The following SLC9A3 variants were observed in gnomAD, a reference collection of about 807,000 sequenced individuals.
SLC9A3 encodes solute carrier family 9 member A3, also known as sodium/hydrogen exchanger 3.
Under a neutral mutation model 86.8 loss-of-function variants are expected in SLC9A3, and 37 were observed. The observed-to-expected ratio is 0.43, with a 90% CI of 0.33 to 0.56. The LOEUF (loss-of-function observed/expected upper bound fraction) is 0.56. SLC9A3 is among the 20% of genes least tolerant of loss of function. The pLI is 0.06. For missense variants in SLC9A3, 1,011 were observed against 1,171.9 expected (o/e 0.86, Z 2.00); for synonymous variants, 581 against 528.3 (o/e 1.10, Z -1.37).
At chr5:475,344 A>G (rs1419132223) in intron 15 of SLC9A3, 1 of 624,684 alleles carries the variant, frequency 1.6e-6, no homozygotes, top group Non-Finnish European at 2.8e-6. Context: ...CCCTCAAGAC[A>G]TACCCCACCT....
At chr5:508,755 G>C (rs1033571700) in intron 1 of SLC9A3, among the ~76,000 whole-genome samples, 17 of 152,286 alleles carry the variant, frequency 1.1e-4, no homozygotes, top group African/African-American at 3.8e-4. Context: ...AAGACCTCCC[G>C]GGAGTCACAC....
intron 1 of SLC9A3, among the ~76,000 whole-genome samples, chr5:517,863 A>G (rs1309347397): frequency 6.7e-6 from 1 of 149,126 alleles, no homozygotes; most frequent in African/African-American, 2.5e-5. Context: ...CTGACCATTC[A>G]CTCATCCATC....
intron 2 of SLC9A3, among the ~76,000 whole-genome samples, chr5:489,853 G>A (rs913308524): frequency 8.5e-5 from 13 of 152,214 alleles, no homozygotes; most frequent in Non-Finnish European, 1.5e-4. Context: ...GCCCACGGCC[G>A]TGCCAGGAGG....
At chr5:504,832 G>A (rs1740472821) in intron 1 of SLC9A3, among the ~76,000 whole-genome samples, 1 of 152,074 alleles carries the variant, frequency 6.6e-6, no homozygotes, top group African/African-American at 2.4e-5. Context: ...GGGAGGGCAG[G>A]GGTGCGGCTG....
Position 473,235 on chromosome 5 carries a change from G to GCGGCA in SLC9A3, c.*143_*144insTGCCG. 1.1e-6 allele frequency: 1 copy of GCGGCA among 924,720 alleles called. No homozygotes were observed. Among genetic ancestry groups the GCGGCA allele is most frequent in the Non-Finnish European group, 1.4e-6 (1 of 707,064 alleles). 57.3% of individuals were successfully genotyped at this position (924,720 alleles called of 1,614,324 possible). A position where few individuals can be genotyped will look rare whatever the true frequency, so the allele number is the denominator to read the frequency against. The stretch of plus-strand genomic sequence containing the variant: ...GGCACTCTCGGAGTTCTGCGCAGGC[G>GCGGCA]CTGGCGTGGGCGAGGCGGGGCTCGG... On this transcript the variant is annotated 3_prime_UTR_variant, in exon 17 of 17. Transcript: ENST00000264938.
rs997199330 is a variant in SLC9A3, at chr5:471,222, G to C, written c.*2157C>G. 2 of 160,932 alleles carry C rather than the reference G, an allele frequency of 1.2e-5. No homozygotes were observed. Among genetic ancestry groups the C allele is most frequent in the African/African-American group, 4.8e-5 (2 of 41,552 alleles). The allele number at this position is 160,932 out of a possible 1,614,324, so 10.0% of individuals were successfully genotyped here. ...ATGTGGAGATCAGGCGGCGATTACCGCATCTTCTTTGCTGACTTTGGTAAC... is the reference window on the plus strand; with the variant it reads ...ATGTGGAGATCAGGCGGCGATTACCCCATCTTCTTTGCTGACTTTGGTAAC... On this transcript the variant is annotated 3_prime_UTR_variant, in exon 17 of 17. Coordinates refer to ENST00000264938, the MANE Select transcript of SLC9A3 (RefSeq NM_004174.4).
At position 499,789 on chromosome 5, in the gene SLC9A3, A is replaced by G. The variant is rs141595403; in HGVS notation, c.212-7718T>C. On this transcript the variant is annotated intron_variant, in intron 1 of 16. Coordinates refer to ENST00000264938, the MANE Select transcript of SLC9A3 (RefSeq NM_004174.4). ...CCAAGGTGGCTCCTAGAGACCTTGC[A>G]TCTGCGCATAACGTCTCCGTAGATC... Among the ~76,000 whole-genome samples, 441 of 152,316 alleles carry G rather than the reference A, an allele frequency of 2.9e-3. 1 individual carries two copies. The highest frequency in any genetic ancestry group is 0.01 in the African/African-American group (421 of 41,578).
At chr5:485,097 C>T (rs373659443) in intron 4 of SLC9A3, 56 bp downstream of exon 4, 2 of 1,279,960 alleles carry the variant, frequency 1.6e-6, no homozygotes, top group East Asian at 2.3e-5. Flanking sequence ...CCAGAGAAGA[C>T]AGTTGGCCCC....
intron 3 of SLC9A3, among the ~76,000 whole-genome samples, chr5:486,965 G>A (rs1268004093): frequency 2.4e-4 from 10 of 42,462 alleles, no homozygotes; most frequent in Non-Finnish European, 7.6e-4. Context: ...CACTGACACC[G>A]TGATCCAGAC....
intron 1 of SLC9A3, among the ~76,000 whole-genome samples, chr5:504,644 C>T (rs1309740734): frequency 6.6e-6 from 1 of 152,230 alleles, no homozygotes; most frequent in African/African-American, 2.4e-5. Context: ...GCAGACAAAC[C>T]CTCAGCTGCT....
Position 482,690 on chromosome 5 carries a change from T to C in SLC9A3, c.1214A>G (p.Asp405Gly), listed in dbSNP as rs1447447724. 1 of 1,612,112 alleles carries C rather than the reference T, an allele frequency of 6.2e-7. No individual in the cohort carries two copies. The change falls in exon 7 of 17, where the codon GAC (aspartate) becomes GGC (glycine). Residue 405 changes from aspartate to glycine, a missense_variant. By Grantham distance (94) the Asp-to-Gly change is moderately conservative. Transcript: ENST00000264938. ...RYRMVQLEPI[D>G]QVVLSYGGLR... ...GCCCCCGTAGGACAGGACCACCTGG[T>C]CAATGGGCTCCAGCTGCACCATGCG...
chr5:522,385 G>A (rs1307915165), intron 1 of SLC9A3, among the ~76,000 whole-genome samples: 6 of 152,232 alleles, frequency 3.9e-5, no homozygotes, highest in South Asian at 2.1e-4. Context: ...GGTGCCTGGC[G>A]GCTGTCATTG....
chr5:480,935 G>C (rs1300448178), intron 9 of SLC9A3: 1 of 152,368 alleles, frequency 6.6e-6, no homozygotes, highest in African/African-American at 2.4e-5. Flanking sequence ...CTGTCACCAG[G>C]CTGGAATGTA....
intron 2 of SLC9A3, among the ~76,000 whole-genome samples, chr5:490,567 C>T (rs532370531): frequency 5.7e-4 from 87 of 152,326 alleles, no homozygotes; most frequent in African/African-American, 1.8e-3. Flanking sequence ...GCGGCCCTGA[C>T]GGCCAGACTG....
At chr5:518,401 T>A (rs1465564219) in intron 1 of SLC9A3, among the ~76,000 whole-genome samples, 1 of 151,046 alleles carries the variant, frequency 6.6e-6, no homozygotes, top group Non-Finnish European at 1.5e-5. Flanking sequence ...GGCCTGGCAC[T>A]TGGAGATCTG....
intron 1 of SLC9A3, among the ~76,000 whole-genome samples, chr5:516,777 G>A (rs1220128073): frequency 1.3e-5 from 2 of 152,206 alleles, no homozygotes. Context: ...GCAATTGCTT[G>A]TCAATGATCC....
At chr5:493,003 TC>T (rs1739861685) in intron 1 of SLC9A3, among the ~76,000 whole-genome samples, 1 of 151,216 alleles carries the variant, frequency 6.6e-6, no homozygotes, top group Non-Finnish European at 1.5e-5. Flanking sequence ...CTTCACCCCG[TC>T]CCCCAGCACC....
chr5:513,364 A>G (rs1733631248), intron 1 of SLC9A3, among the ~76,000 whole-genome samples: 1 of 152,204 alleles, frequency 6.6e-6, no homozygotes, highest in South Asian at 2.1e-4. Flanking sequence ...CAAATGGCAC[A>G]GCCGCTGTGC....
chr5:523,706 CT>C (rs1301605848), intron 1 of SLC9A3, among the ~76,000 whole-genome samples: 1 of 152,170 alleles, frequency 6.6e-6, no homozygotes, highest in Non-Finnish European at 1.5e-5. Context: ...CTTTTCTGCC[CT>C]TGTAACTCAC....
Sources: allele counts gnomAD v4.1 joint callset (sites outside exome capture counted in the v4.1 genomes callset), GRCh38; gene constraint gnomAD v4.1.1; transcripts MANE v1.5; gene names NCBI Gene and HGNC (gene_info 2026-07-23, HGNC 2026-07-21).